The following ZNF423 variants were observed in gnomAD, a reference collection of about 807,000 sequenced individuals.
ZNF423 encodes Ebf-associated zinc finger protein.
Under a neutral mutation model 95.8 loss-of-function variants are expected in ZNF423, and 12 were observed. The observed-to-expected ratio is 0.13, with a 90% CI of 0.08 to 0.20. ZNF423 has a LOEUF of 0.20. Ranked by LOEUF, ZNF423 falls within the 10% of genes least tolerant of loss-of-function variation. The pLI is 1.00. For synonymous variants in ZNF423, 749 were observed against 711.9 expected (o/e 1.05, Z -0.83); for missense variants, 1,316 against 1,737.1 (o/e 0.76, Z 4.31).
chr16:49,697,147 T>C (rs931121268), intron 3 of ZNF423, among the ~76,000 whole-genome samples: 1 of 152,122 alleles, frequency 6.6e-6, no homozygotes, highest in Non-Finnish European at 1.5e-5. Flanking sequence ...ATTTCAGCCC[T>C]CACCAAGGTG....
chr16:49,638,943 G>T lies in ZNF423; in HGVS notation c.302-69C>A. 6.6e-7 allele frequency: 1 copy of T among 1,516,488 alleles called. No individual in the cohort carries two copies. Among genetic ancestry groups the T allele is most frequent in the South Asian group, 1.3e-5 (1 of 75,344 alleles). 93.9% of individuals were successfully genotyped at this position (1,516,488 alleles called of 1,614,324 possible). A position where few individuals can be genotyped will look rare whatever the true frequency, so the allele number is the denominator to read the frequency against. On this transcript the variant is annotated intron_variant, in intron 3 of 7. Coordinates refer to ENST00000563137, the MANE Select transcript of ZNF423 (RefSeq NM_001379286.1). This position sits in a 1 kb window ranked among gnomAD's most constrained non-coding sequence, Gnocchi z 5.6. ...CTGCCGAGAAACAAGGACAGAGCCA[G>T]CTTCTCGACAGCACGCGGGCTGAGG...
chr16:49,662,344 G>A (rs1241788795), intron 3 of ZNF423, among the ~76,000 whole-genome samples: 1 of 152,150 alleles, frequency 6.6e-6, no homozygotes, highest in Non-Finnish European at 1.5e-5. Context: ...CCCCAAAGGA[G>A]GGCCTGCTGA....
chr16:49,818,227 G>C (rs1378386657), intron 1 of ZNF423, among the ~76,000 whole-genome samples: 1 of 152,000 alleles, frequency 6.6e-6, no homozygotes, highest in East Asian at 1.9e-4. Context: ...CTAGAGCAAA[G>C]CCATATAAAA....
intron 3 of ZNF423, among the ~76,000 whole-genome samples, chr16:49,689,918 T>C (rs900122559): frequency 5.3e-5 from 8 of 152,148 alleles, no homozygotes; most frequent in Non-Finnish European, 1.5e-5. Context: ...TGCCACCAGA[T>C]AGCTCAATAG....
At chr16:49,608,983 T>TA (rs1971629439) in intron 5 of ZNF423, among the ~76,000 whole-genome samples, 1 of 152,144 alleles carries the variant, frequency 6.6e-6, no homozygotes, top group Non-Finnish European at 1.5e-5. Flanking sequence ...TGCTGGGCAG[T>TA]AACAAGGCCT....
intron 1 of ZNF423, among the ~76,000 whole-genome samples, chr16:49,825,594 G>A (rs1283577876): frequency 1.3e-5 from 2 of 152,012 alleles, no homozygotes; most frequent in African/African-American, 4.8e-5. Flanking sequence ...AAGGAAGGCA[G>A]TGGGGGAGAC....
chr16:49,590,000 A>G (rs1005069948), intron 5 of ZNF423, among the ~76,000 whole-genome samples: 2 of 147,070 alleles, frequency 1.4e-5, no homozygotes, highest in Non-Finnish European at 3.0e-5. Context: ...TGGGAGGTGG[A>G]GATGGGATGG....
At chr16:49,757,955 G>T (rs1355509274) in intron 2 of ZNF423, among the ~76,000 whole-genome samples, 2 of 152,152 alleles carry the variant, frequency 1.3e-5, no homozygotes, top group Non-Finnish European at 2.9e-5. Context: ...CCCTGGTTCA[G>T]GACTGCGGTA....
chr16:49,814,016 G>A (rs1384839277), intron 1 of ZNF423, among the ~76,000 whole-genome samples: 4 of 152,324 alleles, frequency 2.6e-5, no homozygotes, highest in East Asian at 1.9e-4. Flanking sequence ...AGGATTTGCC[G>A]AACTCCCACT....
intron 4 of ZNF423, among the ~76,000 whole-genome samples, chr16:49,630,793 C>T (rs912749568): frequency 1.3e-5 from 2 of 152,124 alleles, no homozygotes; most frequent in Non-Finnish European, 2.9e-5. Context: ...TGCCTCTCTG[C>T]CACCCCTTGG....
At chr16:49,667,813 G>T (rs2030615436) in intron 3 of ZNF423, among the ~76,000 whole-genome samples, 1 of 152,208 alleles carries the variant, frequency 6.6e-6, no homozygotes, top group Non-Finnish European at 1.5e-5. Context: ...TTGAGCCCAG[G>T]AACTTGAGGC....
intron 7 of ZNF423, among the ~76,000 whole-genome samples, chr16:49,508,134 G>A (rs960817721): frequency 6.6e-6 from 1 of 152,118 alleles, no homozygotes; most frequent in Non-Finnish European, 1.5e-5. Flanking sequence ...AGGATCAAAT[G>A]TTTTTATGCC....
At chr16:49,653,311 CAAAAAA>C (rs5816652) in intron 3 of ZNF423, among the ~76,000 whole-genome samples, 8 of 99,200 alleles carry the variant, frequency 8.1e-5, no homozygotes, top group African/African-American at 3.2e-4. Context: ...CAAGAACCAC[CAAAAAA>C]AAAAAAAAAA....
At chr16:49,686,042 C>G (rs116194471) in intron 3 of ZNF423, among the ~76,000 whole-genome samples, 1,793 of 152,292 alleles carry the variant, frequency 0.012, 29 homozygotes, top group African/African-American at 0.041. Flanking sequence ...TTGCTTCTCT[C>G]TCATGCCCCA....
chr16:49,620,481 G>A (rs1300557447), intron 5 of ZNF423, among the ~76,000 whole-genome samples: 3 of 152,194 alleles, frequency 2.0e-5, no homozygotes, highest in East Asian at 3.9e-4. Context: ...GAAAGGGCCG[G>A]CGTGAGCATG....
At chr16:49,722,984 G>T (rs2032910478) in intron 3 of ZNF423, among the ~76,000 whole-genome samples, 1 of 136,968 alleles carries the variant, frequency 7.3e-6, no homozygotes, top group African/African-American at 2.8e-5. Context: ...GAGACTGAGT[G>T]TCACTCTGTC....
intron 5 of ZNF423, among the ~76,000 whole-genome samples, chr16:49,579,656 A>C (rs758843979): frequency 9.9e-5 from 15 of 152,134 alleles, no homozygotes; most frequent in Non-Finnish European, 2.2e-4. Flanking sequence ...GCGTAGGAGT[A>C]ACATAATTCA....
Position 49,637,743 on chromosome 16 carries a change from G to A in ZNF423, c.1433C>T (p.Pro478Leu), listed in dbSNP as rs1972789600. 2 of 1,614,032 alleles carry A rather than the reference G, an allele frequency of 1.2e-6. No homozygotes were observed. Among genetic ancestry groups the A allele is most frequent in the Non-Finnish European group, 8.5e-7 (1 of 1,180,062 alleles). Residue 478 changes from proline (P) to leucine (L), a missense_variant, in exon 4 of 8, where the codon CCT becomes CTT. By Grantham distance (98) the Pro-to-Leu change is moderately conservative. Around this residue, in one of 6 missense-constraint regions of ZNF423, gnomAD observed 399 missense variants for 478.5 expected, o/e 0.83. Transcript: ENST00000563137. The surrounding 1 kb of genome is among the most constrained non-coding windows in gnomAD (Gnocchi z 5.6). ...VRKLHKNHAY[P>L]VMQFGNISAF... ...AGAGATGTTGCCAAACTGCATCACA[G>A]GGTAGGCATGGTTCTTGTGCAGCTT... is the stretch of plus-strand genomic sequence containing the variant.
At chr16:49,765,342 T>C (rs2033910846) in intron 2 of ZNF423, among the ~76,000 whole-genome samples, 1 of 152,180 alleles carries the variant, frequency 6.6e-6, no homozygotes, top group Admixed American at 6.5e-5. Flanking sequence ...AAGGTGAATG[T>C]ACTGTAACGC....
Sources: allele counts gnomAD v4.1 joint callset (sites outside exome capture counted in the v4.1 genomes callset), GRCh38; gene constraint gnomAD v4.1.1; regional missense constraint gnomAD v4.1.1; non-coding constraint Gnocchi (gnomAD v3.1); transcripts MANE v1.5; gene names NCBI Gene and HGNC (gene_info 2026-07-23, HGNC 2026-07-21).